CTNNA3: variants seen among roughly 807,000 people sequenced by gnomAD.
CTNNA3 encodes the protein catenin alpha-3.
Under a neutral mutation model 95.7 loss-of-function variants are expected in CTNNA3, and 76 were observed. That is an observed-to-expected ratio of 0.79 (90% CI 0.66 to 0.96). The LOEUF is 0.96. Among genes scored for constraint, CTNNA3 ranks in the 40% least tolerant of loss-of-function variants. CTNNA3 has a pLI of 0.00. For missense variants in CTNNA3, 1,191 were observed against 1,089.8 expected, an observed-to-expected ratio of 1.09 and a Z score of -1.31; for synonymous variants, 431 against 374.4, an observed-to-expected ratio of 1.15 and a Z score of -1.74.
chr10:66,265,842 T>C (rs1164421364), intron 13 of CTNNA3, among the ~76,000 whole-genome samples: 1 of 152,068 alleles, frequency 6.6e-6, no homozygotes, highest in Non-Finnish European at 1.5e-5. Context: ...ACTTTATCCA[T>C]ATCTTTCTTT....
At chr10:66,244,726 G>A (rs1388163183) in intron 13 of CTNNA3, among the ~76,000 whole-genome samples, 2 of 152,188 alleles carry the variant, frequency 1.3e-5, no homozygotes, top group Non-Finnish European at 1.5e-5. Flanking sequence ...AAATCACAAT[G>A]TCGAAGTCAT....
In CTNNA3 at chr10:65,919,090, C is replaced by A. The variant is rs183493733; in HGVS notation, c.*1240G>T. On this transcript the variant is annotated 3_prime_UTR_variant, in exon 18 of 18. Transcript: ENST00000433211. ...TGAATGAGAAAAAATGAAAACAAAACTTATGGCCTCCAAAGAGTTTCTGTT... is the reference window on the plus strand; with the variant it reads ...TGAATGAGAAAAAATGAAAACAAAAATTATGGCCTCCAAAGAGTTTCTGTT... The A allele has an allele frequency of 6.6e-6, 1 of 152,036 alleles. No homozygotes were observed. Among genetic ancestry groups the A allele is most frequent in the Non-Finnish European group, 1.5e-5 (1 of 67,994 alleles). The allele number at this position is 152,036 out of a possible 1,614,324, so 9.4% of individuals were successfully genotyped here.
intron 9 of CTNNA3, among the ~76,000 whole-genome samples, chr10:66,633,548 C>T (rs944860888): frequency 8.6e-5 from 13 of 151,948 alleles, no homozygotes; most frequent in Middle Eastern, 3.4e-3. Context: ...GGTGTGGTGG[C>T]GGGCACTTGT....
intron 13 of CTNNA3, among the ~76,000 whole-genome samples, chr10:66,122,806 G>T (rs2082638880): frequency 6.6e-6 from 1 of 152,210 alleles, no homozygotes. Flanking sequence ...GAGAGAGCTT[G>T]TGCAGGGAGA....
intron 7 of CTNNA3, among the ~76,000 whole-genome samples, chr10:66,947,427 T>C (rs1006223854): frequency 4.6e-5 from 7 of 152,156 alleles, no homozygotes; most frequent in African/African-American, 7.2e-5. Context: ...TGAGGGTCCA[T>C]GGGGAAAGGG....
chr10:67,466,691 T>C (rs964961386), intron 5 of CTNNA3, among the ~76,000 whole-genome samples: 10 of 152,288 alleles, frequency 6.6e-5, no homozygotes, highest in Non-Finnish European at 1.3e-4. Flanking sequence ...CTATGAGATG[T>C]CAAGCGGTGT....
chr10:66,689,546 A>C (rs1035439406), intron 9 of CTNNA3, among the ~76,000 whole-genome samples: 1 of 152,188 alleles, frequency 6.6e-6, no homozygotes, highest in South Asian at 2.1e-4. Context: ...AAATTTAAAG[A>C]GGTGATATTA....
intron 12 of CTNNA3, among the ~76,000 whole-genome samples, chr10:66,365,727 G>A (rs1381707147): frequency 3.3e-5 from 5 of 151,036 alleles, no homozygotes; most frequent in Admixed American, 2.7e-4. Context: ...TAGAAGTTAT[G>A]TTATACAAAG....
intron 7 of CTNNA3, among the ~76,000 whole-genome samples, chr10:66,896,830 C>G (rs543535417): frequency 6.6e-6 from 1 of 152,250 alleles, no homozygotes; most frequent in South Asian, 2.1e-4. Context: ...AACTTCTGAC[C>G]ATTCTGTAGG....
intron 6 of CTNNA3, among the ~76,000 whole-genome samples, 160 bp downstream of exon 6, chr10:67,219,447 G>A (rs1864544230): frequency 6.6e-6 from 1 of 152,118 alleles, no homozygotes; most frequent in Non-Finnish European, 1.5e-5. Context: ...GTACTTTCCT[G>A]TTAATCAATT....
In CTNNA3 at chr10:66,273,933, G is replaced by A. The variant is rs536938612; in HGVS notation, c.1884+6537C>T. 8.5e-5 allele frequency among the ~76,000 whole-genome samples: 13 copies of A among 152,172 alleles called. 1 individual carries two copies. The highest frequency in any genetic ancestry group is 3.1e-4 in the African/African-American group (13 of 41,556). ...GGGTTAGCAGAAGTCATTCTAGGTGGTCGTGTAGCTCCAGGAACCTCGAAG... is the reference window on the plus strand; with the variant it reads ...GGGTTAGCAGAAGTCATTCTAGGTGATCGTGTAGCTCCAGGAACCTCGAAG... On this transcript the variant is annotated intron_variant, in intron 13 of 17. Transcript: ENST00000433211.
At chr10:66,825,109 T>A (rs561293020) in intron 7 of CTNNA3, among the ~76,000 whole-genome samples, 66 of 151,084 alleles carry the variant, frequency 4.4e-4, no homozygotes, top group African/African-American at 1.5e-3. Context: ...AGTGTGCCCT[T>A]ACAAATGGCC....
At chr10:67,585,233 G>T (rs1477364412) in intron 3 of CTNNA3, among the ~76,000 whole-genome samples, 1 of 152,138 alleles carries the variant, frequency 6.6e-6, no homozygotes, top group Non-Finnish European at 1.5e-5. Context: ...GTGCTGTTGG[G>T]TTCAGTTTGC....
chr10:66,189,595 T>G (rs2131880118), intron 13 of CTNNA3, among the ~76,000 whole-genome samples: 1 of 115,272 alleles, frequency 8.7e-6, no homozygotes, highest in African/African-American at 3.4e-5. Context: ...TTAGTTACTA[T>G]AGATTTATAT....
At chr10:67,107,554 TG>T in intron 7 of CTNNA3, among the ~76,000 whole-genome samples, 1 of 152,346 alleles carries the variant, frequency 6.6e-6, no homozygotes, top group African/African-American at 2.4e-5. Flanking sequence ...GCCTTTAGAT[TG>T]ATTGACTTTT....
chr10:66,404,958 G>A lies in CTNNA3; in HGVS notation c.1532-25606C>T, dbSNP rs116026107. On this transcript the variant is annotated intron_variant, in intron 11 of 17. Transcript: ENST00000433211. ...GAGGGGAGATGTGGGAGAAGTAAGC[G>A]TGATATCCTAAAGCCAGGGCGAGTT... Among the ~76,000 whole-genome samples, 921 of 152,246 alleles carry A rather than the reference G, an allele frequency of 6.0e-3. 12 individuals are homozygous for A. The highest frequency in any genetic ancestry group is 0.021 in the African/African-American group (879 of 41,532).
intron 17 of CTNNA3, among the ~76,000 whole-genome samples, chr10:65,931,403 G>T (rs185776685): frequency 5.9e-5 from 9 of 152,320 alleles, no homozygotes. Flanking sequence ...AGCAGCAGCA[G>T]CATTAACTCA....
intron 9 of CTNNA3, among the ~76,000 whole-genome samples, chr10:66,760,820 G>T (rs1438512441): frequency 6.6e-6 from 1 of 152,086 alleles, no homozygotes. Flanking sequence ...TATAACCAAG[G>T]GAGTGGGCAG....
intron 7 of CTNNA3, among the ~76,000 whole-genome samples, chr10:67,156,790 T>C (rs1861328770): frequency 6.6e-6 from 1 of 152,092 alleles, no homozygotes; most frequent in Non-Finnish European, 1.5e-5. Flanking sequence ...CTGTCCATGT[T>C]TTTTTAGTTG....
Sources: gnomAD v4.1 joint callset for allele counts (sites outside exome capture counted in the v4.1 genomes callset) on GRCh38, gnomAD v4.1.1 for gene constraint, MANE v1.5 for transcripts, NCBI Gene and HGNC (gene_info 2026-07-23, HGNC 2026-07-21) for gene names.